Variants in AVL9 observed in about 807,000 individuals in gnomAD.
AVL9 encodes the protein AVL9 cell migration associated.
AVL9 carries 49 observed loss-of-function variants against 79.2 expected under a neutral mutation model. The observed-to-expected ratio is 0.62, with a 90% CI of 0.49 to 0.79. The LOEUF (loss-of-function observed/expected upper bound fraction) is 0.79. Among genes scored for constraint, AVL9 ranks in the 30% least tolerant of loss-of-function variants. The pLI, the probability that AVL9 is intolerant of heterozygous loss-of-function variation, is 0.00. For synonymous variants in AVL9, 299 were observed against 280.6 expected (o/e 1.07, Z -0.65); for missense variants, 682 against 776.8 (o/e 0.88, Z 1.45).
chr7:32,569,904 T>TA (rs1401247887), intron 10 of AVL9, 116 bp from the exon 11 acceptor site: 2 of 975,652 alleles, frequency 2.0e-6, no homozygotes, highest in African/African-American at 3.2e-5. Flanking sequence ...TTAGCTGACT[T>TA]ACAGACAGGG....
intron 1 of AVL9, among the ~76,000 whole-genome samples, chr7:32,540,187 A>G (rs1023932241): frequency 3.3e-5 from 5 of 152,248 alleles, no homozygotes; most frequent in African/African-American, 1.2e-4. Context: ...GTAACCACTC[A>G]TGATGAATAT....
At chr7:32,504,734 C>T (rs780427959) in intron 1 of AVL9, among the ~76,000 whole-genome samples, 82 of 152,102 alleles carry the variant, frequency 5.4e-4, no homozygotes, top group Non-Finnish European at 8.2e-4. Context: ...CCAGGACAGG[C>T]AGAAGTAATA....
intron 10 of AVL9, among the ~76,000 whole-genome samples, chr7:32,560,434 C>A (rs1368555038): frequency 6.6e-6 from 1 of 152,142 alleles, no homozygotes; most frequent in Non-Finnish European, 1.5e-5. Flanking sequence ...GACTCCATCA[C>A]AAGAAACCAC....
At chr7:32,537,029 C>T (rs1441398651) in intron 1 of AVL9, 3 of 152,094 alleles carry the variant, frequency 2.0e-5, no homozygotes, top group Non-Finnish European at 4.4e-5. Context: ...ATTACATAGG[C>T]GTGATTGACT....
intron 1 of AVL9, among the ~76,000 whole-genome samples, chr7:32,502,755 A>T (rs1325947422): frequency 6.6e-6 from 1 of 152,100 alleles, no homozygotes; most frequent in African/African-American, 2.4e-5. Context: ...ACTCTGGGTG[A>T]CTCTCTTCAG....
Position 32,520,554 on chromosome 7 carries a change from A to G in AVL9, c.94-22587A>G, listed in dbSNP as rs552299725. On this transcript the variant is annotated intron_variant, in intron 1 of 15. Transcript: ENST00000318709. ...TTTGCCCTGAAAAGGAGACTTCCTA[A>G]CTCTTCCTGTAAAACACCAACTGGA... 3.0e-4 allele frequency among the ~76,000 whole-genome samples: 45 copies of G among 152,252 alleles called. No homozygotes were observed. The South Asian group carries it at 7.0e-3, about 24-fold the overall frequency.
chr7:32,536,596 T>A (rs1788921489), intron 1 of AVL9: 2 of 152,138 alleles, frequency 1.3e-5, no homozygotes, highest in African/African-American at 4.8e-5. Flanking sequence ...AACTGGGCAT[T>A]CTACAATTCA....
intron 1 of AVL9, among the ~76,000 whole-genome samples, chr7:32,511,385 C>G (rs1324892888): frequency 6.6e-6 from 1 of 151,560 alleles, no homozygotes. Context: ...GGAAAGCAAT[C>G]TCTCCAGGGT....
chr7:32,520,760 C>G (rs548338087), intron 1 of AVL9, among the ~76,000 whole-genome samples: 4 of 152,242 alleles, frequency 2.6e-5, no homozygotes, highest in African/African-American at 9.6e-5. Flanking sequence ...GTTTGAGAAG[C>G]TTTATCAAAT....
At chr7:32,543,618 C>T (rs1789319597) in intron 2 of AVL9, among the ~76,000 whole-genome samples, 1 of 152,216 alleles carries the variant, frequency 6.6e-6, no homozygotes, top group South Asian at 2.1e-4. Context: ...TGCATACTTG[C>T]AGTACTAGGT....
intron 1 of AVL9, among the ~76,000 whole-genome samples, chr7:32,506,303 A>C (rs187986335): frequency 6.6e-6 from 1 of 152,320 alleles, no homozygotes; most frequent in East Asian, 1.9e-4. Flanking sequence ...CAGTATGCCA[A>C]CATCACTACT....
chr7:32,508,035 G>A (rs1027396715), intron 1 of AVL9, among the ~76,000 whole-genome samples: 9 of 151,980 alleles, frequency 5.9e-5, no homozygotes, highest in South Asian at 2.1e-4. Context: ...TTTTTGTGAC[G>A]CACATGCTCC....
At chr7:32,517,465 C>T (rs527955481) in intron 1 of AVL9, among the ~76,000 whole-genome samples, 24 of 152,118 alleles carry the variant, frequency 1.6e-4, no homozygotes, top group African/African-American at 5.5e-4. Context: ...GCCACTGTGC[C>T]TGGATAATTT....
intron 1 of AVL9, among the ~76,000 whole-genome samples, chr7:32,540,360 T>C (rs1336890274): frequency 6.6e-6 from 1 of 152,214 alleles, no homozygotes; most frequent in East Asian, 1.9e-4. Flanking sequence ...AAGAAGTGTA[T>C]GTGAGCAGAC....
In AVL9 at chr7:32,556,792, G is replaced by GT. The variant is rs143089904; in HGVS notation, c.610-1766dup. On this transcript the variant is annotated intron_variant, in intron 8 of 15. Coordinates refer to ENST00000318709, the MANE Select transcript of AVL9 (RefSeq NM_015060.3). The stretch of plus-strand genomic sequence containing the variant: ...ATTCCTTTTTATTTTTTGAGACAGG[G>GT]TATAGCTCTGTTGCCCAGGCTAGAG... Among the ~76,000 whole-genome samples the GT allele has an allele frequency of 5.7e-3, 870 of 152,034 alleles. 6 individuals are homozygous for GT. Among genetic ancestry groups the GT allele is most frequent in the African/African-American group, 0.02 (835 of 41,478 alleles).
intron 1 of AVL9, among the ~76,000 whole-genome samples, chr7:32,514,296 C>T (rs759259816): frequency 8.5e-5 from 13 of 152,174 alleles, no homozygotes; most frequent in Non-Finnish European, 1.6e-4. Context: ...GTCCCTGCGG[C>T]CTTCCACAGT....
intron 11 of AVL9, among the ~76,000 whole-genome samples, chr7:32,571,265 C>T (rs1338126960): frequency 3.5e-5 from 5 of 143,008 alleles, no homozygotes; most frequent in Non-Finnish European, 7.5e-5. Flanking sequence ...TGCAGTGGCT[C>T]AAATCTGTAA....
rs186850699 is a variant in AVL9 at position 32,573,260 on chromosome 7, C to T, written c.1412C>T (p.Thr471Ile). ...PELRKLLNPT[T>I]ADLRFADYLV... The stretch of plus-strand genomic sequence containing the variant: ...CTCAGGAAGCTGCTTAACCCAACCA[C>T]TGCAGACCTAAGGTTCGCAGACTAC... The change falls in exon 12 of 16, where the codon ACT becomes ATT. Residue 471 changes from threonine to isoleucine, a missense_variant. Transcript: ENST00000318709. 1.6e-4 allele frequency: 252 copies of T among 1,613,968 alleles called. 4 individuals carry two copies. The Admixed American group carries it at 4.1e-3, about 26-fold the overall frequency.
chr7:32,551,344 G>C lies in AVL9; in HGVS notation c.383G>C (p.Gly128Ala). 6.2e-7 allele frequency: 1 copy of C among 1,604,006 alleles called. No homozygotes were observed. The highest frequency in any genetic ancestry group is 8.5e-7 in the Non-Finnish European group (1 of 1,172,012). The change falls in exon 5 of 16, where the codon GGT (glycine) becomes GCT (alanine). Residue 128 changes from glycine (G) to alanine (A), a missense_variant. Gly to Ala is a moderately conservative substitution (Grantham distance 60, BLOSUM62 0). Transcript: ENST00000318709. ...CTTTTTTCCTTTAAGCCTCTGTATG[G>C]TTTACTTCAAGCAAAACTTCAACTC... Reference protein sequence around the residue: ...VCVLSKLPLYGLLQAKLQLIT... With the variant: ...VCVLSKLPLYALLQAKLQLIT...
Sources: allele counts gnomAD v4.1 joint callset (sites outside exome capture counted in the v4.1 genomes callset), GRCh38; gene constraint gnomAD v4.1.1; transcripts MANE v1.5; gene names NCBI Gene and HGNC (gene_info 2026-07-23, HGNC 2026-07-21).